Variants in CATSPERD observed in about 807,000 individuals in gnomAD.
The protein encoded by CATSPERD is cation channel sperm-associated auxiliary subunit delta.
In CATSPERD, 86 loss-of-function variants were observed where a neutral mutation model predicts 98.1. The observed-to-expected ratio is 0.88, with a 90% CI of 0.74 to 1.05. The LOEUF (loss-of-function observed/expected upper bound fraction) is 1.05. CATSPERD is among the 50% of genes least tolerant of loss of function. CATSPERD has a pLI of 0.00. For synonymous variants in CATSPERD, 394 were observed against 390.2 expected (o/e 1.01, Z -0.12); for missense variants, 995 against 1,005.7 (o/e 0.99, Z 0.14).
At chr19:5,750,179 T>C (rs1391869477) in intron 11 of CATSPERD, among the ~76,000 whole-genome samples, 8 of 144,586 alleles carry the variant, frequency 5.5e-5, no homozygotes, top group East Asian at 2.3e-4. Context: ...CCGGGCGTGG[T>C]GGCTCACGCC....
At chr19:5,760,510 G>A (rs2056414130) in intron 15 of CATSPERD, among the ~76,000 whole-genome samples, 1 of 151,484 alleles carries the variant, frequency 6.6e-6, no homozygotes, top group Non-Finnish European at 1.5e-5. Context: ...CAAATCCTGT[G>A]TGATTCCACT....
intron 10 of CATSPERD, among the ~76,000 whole-genome samples, chr19:5,748,728 CTTTTTTTTTTT>C (rs527796326): frequency 2.1e-5 from 2 of 94,080 alleles, no homozygotes; most frequent in South Asian, 7.9e-4. Context: ...TCATATTATT[CTTTTTTTTTTT>C]TTTTTTTTTG....
intron 13 of CATSPERD, among the ~76,000 whole-genome samples, chr19:5,756,835 C>T (rs372473151): frequency 4.6e-5 from 7 of 151,892 alleles, no homozygotes; most frequent in South Asian, 2.1e-4. Flanking sequence ...CCCAGCTACT[C>T]GGGAGGCTGA....
intron 9 of CATSPERD, among the ~76,000 whole-genome samples, chr19:5,747,376 C>T (rs890369026): frequency 1.3e-5 from 2 of 151,696 alleles, no homozygotes; most frequent in African/African-American, 2.4e-5. Flanking sequence ...CCCTGTTGCC[C>T]GGGCTGGTCT....
Position 5,731,617 on chromosome 19 carries a change from G to A in CATSPERD, c.276+1673G>A, listed in dbSNP as rs573785840. ...GGAGTCTCGCTCTGTCACCCAGGCC[G>A]GACTGCGGACTGCAGTGGCGCAATC... On this transcript the variant is annotated intron_variant, in intron 4 of 21. Transcript: ENST00000381624. 4.6e-4 allele frequency among the ~76,000 whole-genome samples: 51 copies of A among 110,292 alleles called. 1 individual carries two copies. The highest frequency in any genetic ancestry group is 7.4e-4 in the Admixed American group (5 of 6,770). The allele number at this position is 110,292 out of a possible 152,430, so 72.4% of individuals were successfully genotyped here.
intron 6 of CATSPERD, among the ~76,000 whole-genome samples, chr19:5,738,367 A>G (rs978805995): frequency 3.3e-5 from 5 of 151,518 alleles, no homozygotes; most frequent in East Asian, 1.9e-4. Context: ...AAAAAAAAAA[A>G]AAAGAAAAGA....
At chr19:5,763,377 T>C in intron 16 of CATSPERD, 84 bp downstream of exon 16, 1 of 1,084,800 alleles carries the variant, frequency 9.2e-7, no homozygotes, top group Admixed American at 1.8e-5. Context: ...TGCAATGAGC[T>C]GAGATAGTGC....
intron 16 of CATSPERD, among the ~76,000 whole-genome samples, chr19:5,764,940 T>C (rs2056510317): frequency 6.6e-6 from 1 of 152,038 alleles, no homozygotes; most frequent in South Asian, 2.1e-4. Context: ...GTACAGGGTC[T>C]CACTCTGTCT....
Position 5,776,359 on chromosome 19 carries a change from C to T in CATSPERD, c.2096+44C>T, listed in dbSNP as rs748132004. ...CCCTACGACAGGGGACGCCTGGTGC[C>T]CCTGGGGGCAGGTCACCCGTTTCGG... On this transcript the variant is annotated intron_variant, in intron 21 of 21. Transcript: ENST00000381624. 3 of 1,602,332 alleles carry T rather than the reference C, an allele frequency of 1.9e-6. No homozygotes were observed. In the Admixed American group the frequency reaches 5.1e-5, roughly 27 times the overall value.
At chr19:5,763,368 G>T (rs2056479798) in intron 16 of CATSPERD, 75 bp downstream of exon 16, 1 of 1,229,662 alleles carries the variant, frequency 8.1e-7, no homozygotes, top group Admixed American at 1.7e-5. Context: ...CCCTGAGGTT[G>T]CAATGAGCTG....
chr19:5,745,601 A>G (rs1008044710), intron 8 of CATSPERD, among the ~76,000 whole-genome samples: 1 of 152,164 alleles, frequency 6.6e-6, no homozygotes, highest in African/African-American at 2.4e-5. Context: ...AGCCTGGGCA[A>G]CAGAGCCAGA....
chr19:5,727,412 C>T lies in CATSPERD; in HGVS notation c.203+68C>T, dbSNP rs1246115427. On this transcript the variant is annotated intron_variant, in intron 3 of 21. Transcript: ENST00000381624. ...AATCTTTAGATTTGCCCCATTCATT[C>T]GTTCAACAAACAGTAAAGAAGATGG... The T allele has an allele frequency of 1.3e-5, 15 of 1,182,968 alleles. 1 individual carries two copies. Among genetic ancestry groups the T allele is most frequent in the South Asian group, 9.8e-5 (8 of 81,746 alleles). The allele number at this position is 1,182,968 out of a possible 1,614,324, so 73.3% of individuals were successfully genotyped here.
chr19:5,731,175 C>A (rs1221040549), intron 4 of CATSPERD, among the ~76,000 whole-genome samples: 1 of 151,632 alleles, frequency 6.6e-6, no homozygotes, highest in African/African-American at 2.4e-5. Context: ...ATACCATCGA[C>A]ACCTATGCTA....
intron 15 of CATSPERD, among the ~76,000 whole-genome samples, chr19:5,761,170 C>T (rs1166063081): frequency 2.0e-5 from 3 of 151,936 alleles, no homozygotes; most frequent in Admixed American, 6.6e-5. Flanking sequence ...GGCATGATCT[C>T]GGCTCACTGC....
At position 5,778,537 on chromosome 19, in the gene CATSPERD, G is replaced by A. The variant is rs532197714; in HGVS notation, c.2258G>A (p.Arg753His). 137 of 1,613,966 alleles carry A rather than the reference G, an allele frequency of 8.5e-5. No homozygotes were observed. The highest frequency in any genetic ancestry group is 1.0e-4 in the Non-Finnish European group (123 of 1,180,030). Residue 753 changes from arginine (R) to histidine (H), a missense_variant, in exon 22 of 22, where the codon CGC becomes CAC. Physicochemically the swap from Arg to His is conservative, Grantham distance 29. This residue lies in a region of CATSPERD where 762 missense variants were observed against 773.7 expected (regional missense o/e 0.98). Transcript: ENST00000381624. ...AAGCTGCTACGCACAGCACGCGGCC[G>A]CAGGATCAAGAAGTGTGCGACACAG... Reference protein sequence around the residue: ...TPKLLRTARGRRIKKCATQLC... With the variant: ...TPKLLRTARGHRIKKCATQLC...
chr19:5,768,814 C>T (rs2056592307), intron 18 of CATSPERD, among the ~76,000 whole-genome samples: 1 of 152,012 alleles, frequency 6.6e-6, no homozygotes, highest in South Asian at 2.1e-4. Context: ...ATACGAGAGT[C>T]TGGGCCTCAG....
intron 1 of CATSPERD, among the ~76,000 whole-genome samples, chr19:5,722,142 A>G (rs912965691): frequency 4.0e-5 from 6 of 151,054 alleles, no homozygotes; most frequent in African/African-American, 1.5e-4. Flanking sequence ...TTTTTTTGAG[A>G]TGGAGTCTTG....
intron 21 of CATSPERD, among the ~76,000 whole-genome samples, chr19:5,777,980 G>A (rs577212133): frequency 2.0e-5 from 3 of 150,990 alleles, no homozygotes; most frequent in South Asian, 2.1e-4. Flanking sequence ...AGGCAGAGGC[G>A]GGCGGATCAC....
At chr19:5,749,253 A>G in intron 11 of CATSPERD, 70 bp downstream of exon 11, 1 of 1,126,488 alleles carries the variant, frequency 8.9e-7, no homozygotes. Context: ...GCACTTTGGG[A>G]GGCTGAGGTG....
Sources: gnomAD v4.1 joint callset for allele counts (sites outside exome capture counted in the v4.1 genomes callset) on GRCh38, gnomAD v4.1.1 for gene constraint, gnomAD v4.1.1 regional missense constraint, MANE v1.5 for transcripts, NCBI Gene and HGNC (gene_info 2026-07-23, HGNC 2026-07-21) for gene names.